The following TEAD4 variants were observed in gnomAD, a reference collection of about 807,000 sequenced individuals.
TEAD4 encodes transcriptional enhancer factor TEF-3.
A neutral mutation model predicts 52.4 loss-of-function variants in TEAD4; 36 were observed. The ratio of observed to expected loss-of-function variants is 0.69; its 90% confidence interval spans 0.53 to 0.91. The LOEUF is 0.91. Among genes scored for constraint, TEAD4 ranks in the 40% least tolerant of loss-of-function variants. The pLI is 0.00. For missense variants in TEAD4, 508 were observed against 583.9 expected (o/e 0.87, Z 1.34); for synonymous variants, 220 against 231.0 (o/e 0.95, Z 0.43).
intron 10 of TEAD4, among the ~76,000 whole-genome samples, chr12:3,033,884 A>G: frequency 6.8e-6 from 1 of 146,824 alleles, no homozygotes; most frequent in Non-Finnish European, 1.5e-5. Context: ...AGGAAGGAGT[A>G]TAGCTGCAGG....
intron 3 of TEAD4, among the ~76,000 whole-genome samples, chr12:3,008,615 C>T (rs576519433): frequency 4.6e-5 from 7 of 152,232 alleles, no homozygotes; most frequent in African/African-American, 1.7e-4. Flanking sequence ...GGAGCTTGGA[C>T]CCTGGAGGGT....
chr12:3,033,238 A>G (rs1183027337), intron 10 of TEAD4, among the ~76,000 whole-genome samples: 1 of 152,160 alleles, frequency 6.6e-6, no homozygotes, highest in Non-Finnish European at 1.5e-5. Context: ...GTGGTCATTC[A>G]TAGACTCTCG....
chr12:3,008,776 C>CG (rs1328087806), intron 3 of TEAD4, among the ~76,000 whole-genome samples: 2 of 152,110 alleles, frequency 1.3e-5, no homozygotes, highest in African/African-American at 4.8e-5. Flanking sequence ...TGTTGAGAGT[C>CG]TAACAAGGAA....
chr12:3,001,142 C>T (rs566555952), intron 3 of TEAD4, among the ~76,000 whole-genome samples: 45 of 152,308 alleles, frequency 3.0e-4, no homozygotes, highest in Admixed American at 8.5e-4. Flanking sequence ...AGTTATTTAA[C>T]CTCCTTGGGC....
chr12:2,985,687 G>T (rs897672695), intron 2 of TEAD4, among the ~76,000 whole-genome samples: 3 of 151,388 alleles, frequency 2.0e-5, no homozygotes, highest in Admixed American at 1.3e-4. Flanking sequence ...TGTATTTTTA[G>T]TAGAGACGGG....
At chr12:3,029,592 G>T (rs182373281) in intron 10 of TEAD4, among the ~76,000 whole-genome samples, 2 of 151,978 alleles carry the variant, frequency 1.3e-5, no homozygotes, top group African/African-American at 4.8e-5. Context: ...TGTTGCCCAG[G>T]CTGGTCTTGA....
chr12:3,010,608 C>T (rs1395302680), intron 3 of TEAD4, among the ~76,000 whole-genome samples: 1 of 152,190 alleles, frequency 6.6e-6, no homozygotes, highest in Non-Finnish European at 1.5e-5. Context: ...AGGGCAAGGC[C>T]GAGGGCCGGG....
At position 3,017,493 on chromosome 12, in the gene TEAD4, C is replaced by T. The variant is rs755930565; in HGVS notation, c.450C>T (p.Leu150=). Residue 150 remains leucine, a synonymous_variant, in exon 6 of 13, where the codon CTC becomes CTT. Transcript: ENST00000359864. ...CGGCCTTCCACAGTAGCATGGCCCTCGCCCGGGGCCCCGGCCGCCCAGCAG... is the reference window on the plus strand; with the variant it reads ...CGGCCTTCCACAGTAGCATGGCCCTTGCCCGGGGCCCCGGCCGCCCAGCAG... The T allele has an allele frequency of 5.6e-6, 9 of 1,614,082 alleles. No homozygotes were observed. The highest frequency in any genetic ancestry group is 4.5e-5 in the East Asian group (2 of 44,880).
intron 5 of TEAD4, among the ~76,000 whole-genome samples, chr12:3,015,172 A>C (rs981332371): frequency 3.3e-5 from 5 of 152,122 alleles, no homozygotes; most frequent in African/African-American, 1.2e-4. Context: ...GTCCACATCG[A>C]CAATGACCCA....
chr12:3,032,442 C>A (rs74054842), intron 10 of TEAD4, among the ~76,000 whole-genome samples: 25,900 of 152,072 alleles, frequency 0.17, 2,910 homozygotes, highest in African/African-American at 0.32. Flanking sequence ...TGGTGTGCCC[C>A]CCAGCAAGGC....
chr12:3,025,983 T>A (rs938842431), intron 10 of TEAD4, among the ~76,000 whole-genome samples: 2 of 152,070 alleles, frequency 1.3e-5, no homozygotes, highest in Non-Finnish European at 2.9e-5. Context: ...TTCTCCCTAA[T>A]GGCCAGTTTC....
Position 3,010,994 on chromosome 12 carries a change from G to C in TEAD4, c.227-10G>C. On this transcript the variant is annotated splice_polypyrimidine_tract_variant and intron_variant, in intron 3 of 12. Transcript: ENST00000359864. ...TTCTCTCCACTGAGAGGCTGCTGGT[G>C]TCTCTGCAGGTCGGAACGAGCTGAT... is the stretch of plus-strand genomic sequence containing the variant. 1 of 1,614,066 alleles carries C rather than the reference G, an allele frequency of 6.2e-7. No homozygotes were observed. The highest frequency in any genetic ancestry group is 8.5e-7 in the Non-Finnish European group (1 of 1,179,958).
chr12:3,015,581 G>A (rs2098263858), intron 5 of TEAD4, among the ~76,000 whole-genome samples: 1 of 152,250 alleles, frequency 6.6e-6, no homozygotes, highest in South Asian at 2.1e-4. Flanking sequence ...CCACCTCATG[G>A]AGCTGCGTGT....
chr12:2,966,355 A>G (rs1007286727), intron 2 of TEAD4, among the ~76,000 whole-genome samples: 1 of 151,114 alleles, frequency 6.6e-6, no homozygotes, highest in Admixed American at 6.6e-5. Context: ...TTTTCCATAG[A>G]TACGAGCCTC....
At chr12:2,967,420 A>G (rs2098221366) in intron 2 of TEAD4, among the ~76,000 whole-genome samples, 1 of 152,202 alleles carries the variant, frequency 6.6e-6, no homozygotes, top group Non-Finnish European at 1.5e-5. Context: ...ACTATACTAT[A>G]TTTAACTATG....
intron 5 of TEAD4, 26 bp from the exon 6 acceptor site, chr12:3,017,372 G>T (rs758547079): frequency 6.2e-7 from 1 of 1,613,924 alleles, no homozygotes; most frequent in South Asian, 1.1e-5. Flanking sequence ...CCCTGCTGAG[G>T]TCCTCCCTTG....
intron 2 of TEAD4, among the ~76,000 whole-genome samples, chr12:2,964,624 A>ATTT (rs71057872): frequency 8.0e-6 from 1 of 125,430 alleles, no homozygotes; most frequent in African/African-American, 3.0e-5. Context: ...CACCTGGCTA[A>ATTT]TTTTTTTTTT....
chr12:2,975,131 C>T (rs1165361612), intron 2 of TEAD4, among the ~76,000 whole-genome samples: 1 of 149,228 alleles, frequency 6.7e-6, no homozygotes, highest in Non-Finnish European at 1.5e-5. Context: ...TTCTAGAACC[C>T]TGAAGAAAGG....
chr12:3,019,186 G>C lies in TEAD4; in HGVS notation c.583+16G>C, dbSNP rs747539990. The C allele has an allele frequency of 1.9e-6, 3 of 1,613,260 alleles. No homozygotes were observed. The African/African-American group carries it at 4.0e-5, about 22-fold the overall frequency. On this transcript the variant is annotated intron_variant, in intron 8 of 12. Transcript: ENST00000359864. The stretch of plus-strand genomic sequence containing the variant: ...CCTCTGCCAGGTGGGTGGGCGCTGC[G>C]TGGCCCCCTTTCTATCGCAGCCATG...
Sources: gnomAD v4.1 joint callset for allele counts (sites outside exome capture counted in the v4.1 genomes callset) on GRCh38, gnomAD v4.1.1 for gene constraint, MANE v1.5 for transcripts, NCBI Gene and HGNC (gene_info 2026-07-23, HGNC 2026-07-21) for gene names.